SPHKAP: variants seen among roughly 807,000 people sequenced by gnomAD.
The protein encoded by SPHKAP is A-kinase anchor protein SPHKAP.
In SPHKAP, 67 loss-of-function variants were observed where a neutral mutation model predicts 137.5. The ratio of observed to expected loss-of-function variants is 0.49; its 90% CI spans 0.40 to 0.60. The LOEUF (loss-of-function observed/expected upper bound fraction) is 0.60. Ranked by LOEUF, SPHKAP falls within the 20% of genes least tolerant of loss-of-function variation. The pLI is 0.00. For synonymous variants in SPHKAP, 813 were observed against 785.3 expected (o/e 1.04, Z -0.59); for missense variants, 2,097 against 2,069.3 (o/e 1.01, Z -0.26).
At chr2:228,022,386 C>T (rs927474025) in intron 5 of SPHKAP, 3 of 155,998 alleles carry the variant, frequency 1.9e-5, no homozygotes, top group Non-Finnish European at 2.8e-5. Context: ...GATCATAGGT[C>T]ATCTGTGTTT....
chr2:228,159,270 A>G (rs181932235), intron 1 of SPHKAP, among the ~76,000 whole-genome samples: 1 of 152,222 alleles, frequency 6.6e-6, no homozygotes, highest in Non-Finnish European at 1.5e-5. Flanking sequence ...TTAAATAGGA[A>G]ATGGAACTCA....
intron 2 of SPHKAP, among the ~76,000 whole-genome samples, chr2:228,114,240 C>T (rs10206166): frequency 0.34 from 52,350 of 151,928 alleles, 9,295 homozygotes; most frequent in East Asian, 0.5. Context: ...ATGAGTTCAG[C>T]AAATAAGGTT....
At chr2:228,035,420 T>A (rs907211674) in intron 3 of SPHKAP, among the ~76,000 whole-genome samples, 14 of 152,038 alleles carry the variant, frequency 9.2e-5, no homozygotes, top group African/African-American at 3.4e-4. Flanking sequence ...TGCTCATGGG[T>A]AGGAAGAATC....
chr2:228,033,446 C>T (rs1344683847), intron 3 of SPHKAP, among the ~76,000 whole-genome samples: 1 of 152,108 alleles, frequency 6.6e-6, no homozygotes, highest in African/African-American at 2.4e-5. Context: ...TTTAACACCC[C>T]ACTGTCAACA....
At chr2:228,048,828 C>T (rs1696156219) in intron 3 of SPHKAP, among the ~76,000 whole-genome samples, 1 of 152,120 alleles carries the variant, frequency 6.6e-6, no homozygotes. Context: ...ATATCCTTTG[C>T]CCTCTTTTTA....
Position 228,019,272 on chromosome 2 carries a change from A to G in SPHKAP, c.1582T>C (p.Phe528Leu), listed in dbSNP as rs773756546. 4 of 1,613,984 alleles carry G rather than the reference A, an allele frequency of 2.5e-6. No individual in the cohort carries two copies. Among genetic ancestry groups the G allele is most frequent in the Admixed American group, 1.7e-5 (1 of 60,024 alleles). ...AGTGCACCACTGCTCCCTGGGGGAA[A>G]GTTCGAGACCACTTGCTCCATTTTG... ...RLKMEQVVSN[F>L]PPGSSGALQT... Residue 528 changes from phenylalanine to leucine, a missense_variant, in exon 7 of 12, where the codon TTT becomes CTT. Physicochemically the swap from Phe to Leu is conservative, Grantham distance 22. Coordinates refer to ENST00000392056, the MANE Select transcript of SPHKAP (RefSeq NM_001142644.2).
At chr2:228,059,556 A>G (rs1318994572) in intron 3 of SPHKAP, among the ~76,000 whole-genome samples, 2 of 152,192 alleles carry the variant, frequency 1.3e-5, no homozygotes, top group Non-Finnish European at 2.9e-5. Context: ...AAAGAAAGAT[A>G]ATTTTTTCTC....
intron 1 of SPHKAP, among the ~76,000 whole-genome samples, chr2:228,179,201 C>A (rs139279948): frequency 6.6e-6 from 1 of 152,044 alleles, no homozygotes; most frequent in Non-Finnish European, 1.5e-5. Context: ...TTATAACCAC[C>A]AACTTAATTT....
Position 228,016,856 on chromosome 2 carries a change from G to C in SPHKAP, c.3998C>G (p.Thr1333Ser). The change falls in exon 7 of 12, where the codon ACT becomes AGT. Residue 1333 changes from threonine (T) to serine (S), a missense_variant. Physicochemically the swap from Thr to Ser is moderately conservative, Grantham distance 58. Coordinates refer to ENST00000392056, the MANE Select transcript of SPHKAP (RefSeq NM_001142644.2). ...IIVDDAEEADTEPVSGGSPSQ... is the reference protein window; with the variant it reads ...IIVDDAEEADSEPVSGGSPSQ... ...GGGAGAGCCACCAGAAACAGGCTCA[G>C]TGTCAGCTTCCTCTGCATCATCCAC... 6.2e-7 allele frequency: 1 copy of C among 1,614,094 alleles called. No individual in the cohort carries two copies. Among genetic ancestry groups the C allele is most frequent in the Non-Finnish European group, 8.5e-7 (1 of 1,180,014 alleles).
chr2:228,037,841 A>G (rs1475165442), intron 3 of SPHKAP, among the ~76,000 whole-genome samples: 1 of 152,180 alleles, frequency 6.6e-6, no homozygotes, highest in East Asian at 1.9e-4. Context: ...TGAAACCTAA[A>G]TTTTGGTAGT....
At chr2:227,984,940 A>T (rs1693160411) in intron 11 of SPHKAP, among the ~76,000 whole-genome samples, 1 of 151,984 alleles carries the variant, frequency 6.6e-6, no homozygotes, top group Admixed American at 6.6e-5. Context: ...CGGGACCACC[A>T]CCTTATCCCC....
chr2:228,097,697 CCCA>C (rs1166218176), intron 3 of SPHKAP, among the ~76,000 whole-genome samples: 10 of 151,868 alleles, frequency 6.6e-5, no homozygotes, highest in African/African-American at 1.9e-4. Context: ...GTCTGTTGTT[CCCA>C]CCTTTATGTC....
At position 228,181,670 on chromosome 2, in the gene SPHKAP, C is replaced by A. The variant is rs1337526391; in HGVS notation, c.-72G>T. On this transcript the variant is annotated 5_prime_UTR_variant, in exon 1 of 12. Coordinates refer to ENST00000392056, the MANE Select transcript of SPHKAP (RefSeq NM_001142644.2). The surrounding 1 kb of genome is among the most constrained non-coding windows in gnomAD (Gnocchi z 4.3). ...ATAAGTCTGTGGTGCTAGGACCCAG[C>A]TCCCAGAGTGCCAGACTGGCGCGCG... is the stretch of plus-strand genomic sequence containing the variant. The A allele has an allele frequency of 8.7e-6, 14 of 1,613,854 alleles. No individual in the cohort carries two copies. The highest frequency in any genetic ancestry group is 1.1e-5 in the Non-Finnish European group (13 of 1,179,844).
Position 228,132,035 on chromosome 2 carries a change from C to A in SPHKAP, c.83G>T (p.Arg28Ile). ...MYDVLEPQQG[R>I]GCGSSGSGPG... ...GCCGCTTCCTGAGCTGCCACAGCCTCTGCCCTGCTGCGGTTCCAAAACGTC... is the reference window on the plus strand; with the variant it reads ...GCCGCTTCCTGAGCTGCCACAGCCTATGCCCTGCTGCGGTTCCAAAACGTC... The change falls in exon 2 of 12, where the codon AGA (arginine) becomes ATA (isoleucine). Residue 28 changes from arginine to isoleucine, a missense_variant. By Grantham distance (97) the Arg-to-Ile change is moderately conservative (BLOSUM62 -3). Transcript: ENST00000392056. 1 of 1,614,104 alleles carries A rather than the reference C, an allele frequency of 6.2e-7. No individual in the cohort carries two copies. Among genetic ancestry groups the A allele is most frequent in the Non-Finnish European group, 8.5e-7 (1 of 1,179,976 alleles).
intron 3 of SPHKAP, among the ~76,000 whole-genome samples, chr2:228,036,103 G>A (rs1307839648): frequency 4.0e-5 from 6 of 150,078 alleles, no homozygotes; most frequent in Middle Eastern, 3.4e-3. Context: ...GCAACCTACA[G>A]AATGGGAGAA....
At chr2:228,022,939 A>G (rs1300208198) in intron 5 of SPHKAP, among the ~76,000 whole-genome samples, 1 of 152,236 alleles carries the variant, frequency 6.6e-6, no homozygotes, top group Non-Finnish European at 1.5e-5. Context: ...CTGAAGAAGC[A>G]GTCAACATGA....
chr2:228,119,942 G>A (rs1274873832), intron 2 of SPHKAP, among the ~76,000 whole-genome samples: 2 of 151,986 alleles, frequency 1.3e-5, no homozygotes, highest in African/African-American at 4.8e-5. Context: ...AATTCTATTT[G>A]GTTGGATGTA....
rs372036392 is a variant in SPHKAP at position 228,001,434 on chromosome 2, AAT to A, written c.4449-5742_4449-5741del. 3.1e-3 allele frequency among the ~76,000 whole-genome samples: 436 copies of A among 141,422 alleles called. 2 individuals are homozygous for A. Among genetic ancestry groups the A allele is most frequent in the East Asian group, 6.5e-3 (33 of 5,072 alleles). 92.8% of individuals were successfully genotyped at this position (141,422 alleles called of 152,430 possible). A position where few individuals can be genotyped will look rare whatever the true frequency, so the allele number is the denominator to read the frequency against. ...ATATATATAAATATATACATATATA[AAT>A]ATATATATGTATATATACGAATATA... On this transcript the variant is annotated intron_variant, in intron 7 of 11. Coordinates refer to ENST00000392056, the MANE Select transcript of SPHKAP (RefSeq NM_001142644.2).
chr2:228,090,326 C>T (rs760710931), intron 3 of SPHKAP, among the ~76,000 whole-genome samples: 23 of 152,092 alleles, frequency 1.5e-4, no homozygotes, highest in Admixed American at 2.0e-4. Context: ...TCCTTTTTGG[C>T]GTAGGAATGT....
Sources: gnomAD v4.1 joint callset for allele counts (sites outside exome capture counted in the v4.1 genomes callset) on GRCh38, gnomAD v4.1.1 for gene constraint, Gnocchi (gnomAD v3.1) non-coding constraint, MANE v1.5 for transcripts, NCBI Gene and HGNC (gene_info 2026-07-23, HGNC 2026-07-21) for gene names.